DNAH8: variants seen among roughly 807,000 people sequenced by gnomAD.
DNAH8 encodes the protein dynein axonemal heavy chain 8, also known as axonemal beta dynein heavy chain 8.
DNAH8 carries 382 observed loss-of-function variants against 562.1 expected under a neutral mutation model. The ratio of observed to expected loss-of-function variants is 0.68; its 90% CI spans 0.63 to 0.74. The LOEUF is 0.74. DNAH8 is among the 30% of genes least tolerant of loss of function. The probability of loss-of-function intolerance (pLI) is 0.00; values close to 1 mark genes in which losing one functional copy is unlikely to be tolerated. For synonymous variants in DNAH8, 1,881 were observed against 1,919.4 expected, an observed-to-expected ratio of 0.98 and a Z score of 0.52; for missense variants, 5,203 against 5,620.4, an observed-to-expected ratio of 0.93 and a Z score of 2.37.
intron 88 of DNAH8, among the ~76,000 whole-genome samples, chr6:38,997,744 C>G (rs181885283): frequency 1.4e-4 from 21 of 152,154 alleles, no homozygotes; most frequent in Admixed American, 2.6e-4. Flanking sequence ...ATTCTTGCTT[C>G]TTTTTGTTTG....
At chr6:38,869,549 A>G (rs574660133) in intron 48 of DNAH8, among the ~76,000 whole-genome samples, 2 of 152,314 alleles carry the variant, frequency 1.3e-5, no homozygotes, top group South Asian at 2.1e-4. Context: ...AGGGCAATCT[A>G]TGCATTAAAG....
chr6:38,873,673 T>G (rs1176103913), intron 52 of DNAH8, among the ~76,000 whole-genome samples: 1 of 150,820 alleles, frequency 6.6e-6, no homozygotes, highest in Non-Finnish European at 1.5e-5. Flanking sequence ...TGACAGTCAA[T>G]AAAATATAGT....
At chr6:38,729,158 G>C (rs945395267) in intron 3 of DNAH8, among the ~76,000 whole-genome samples, 7 of 152,056 alleles carry the variant, frequency 4.6e-5, no homozygotes, top group African/African-American at 1.7e-4. Flanking sequence ...AGCCGAGATC[G>C]CGCTACTGCA....
chr6:38,872,406 C>T (rs1777537883), intron 49 of DNAH8, 130 bp from the exon 50 acceptor site: 1 of 1,011,690 alleles, frequency 9.9e-7, no homozygotes, highest in African/African-American at 1.6e-5. Flanking sequence ...ACATTTTTTA[C>T]AACTTAAAAA....
chr6:39,007,191 A>G (rs1340005405), intron 88 of DNAH8, among the ~76,000 whole-genome samples: 1 of 152,206 alleles, frequency 6.6e-6, no homozygotes, highest in Non-Finnish European at 1.5e-5. Context: ...CATTTGCACC[A>G]TACCGTCAGA....
chr6:38,819,845 A>G (rs947339631), intron 26 of DNAH8, among the ~76,000 whole-genome samples: 2 of 152,202 alleles, frequency 1.3e-5, no homozygotes, highest in Admixed American at 6.5e-5. Flanking sequence ...CAATTAATGT[A>G]TAATAGAAAC....
At chr6:38,923,398 A>T (rs1169449357) in intron 72 of DNAH8, 1 of 469,030 alleles carries the variant, frequency 2.1e-6, no homozygotes, top group Non-Finnish European at 3.6e-6. Context: ...GGTTTTCAGT[A>T]TGAGAGTGCT....
intron 49 of DNAH8, among the ~76,000 whole-genome samples, chr6:38,871,140 C>G (rs1371943249): frequency 1.3e-5 from 2 of 152,178 alleles, no homozygotes; most frequent in African/African-American, 2.4e-5. Flanking sequence ...GAGCTTGATG[C>G]TTTGGGAATA....
chr6:38,911,647 A>C, intron 66 of DNAH8, 61 bp downstream of exon 66: 377 of 1,131,500 alleles, frequency 3.3e-4, no homozygotes, highest in Non-Finnish European at 4.4e-4. Context: ...TAGGGATCTC[A>C]ATATTTTGTT....
chr6:38,924,625 G>A (rs1296426390), intron 73 of DNAH8, among the ~76,000 whole-genome samples: 1 of 152,040 alleles, frequency 6.6e-6, no homozygotes, highest in African/African-American at 2.4e-5. Flanking sequence ...GTTTCTTTGC[G>A]TTTTAAGTAA....
intron 55 of DNAH8, 30 bp downstream of exon 55, chr6:38,883,486 A>G: frequency 6.3e-7 from 1 of 1,585,342 alleles, no homozygotes; most frequent in Non-Finnish European, 8.6e-7. Flanking sequence ...GTAATATTAT[A>G]AACATAATAC....
chr6:38,764,887 T>C lies in DNAH8; in HGVS notation c.1617+3084T>C, dbSNP rs182598752. Among the ~76,000 whole-genome samples the C allele has an allele frequency of 6.2e-3, 936 of 152,140 alleles. 7 individuals are homozygous for C. The highest frequency in any genetic ancestry group is 0.021 in the African/African-American group (854 of 41,530). ...TCTCGCTCTGTTGCCCAGGCTGGAG[T>C]GCAGTGGCACAGTCTTGGCTCACTG... On this transcript the variant is annotated intron_variant, in intron 11 of 92. Transcript: ENST00000327475.
chr6:38,924,688 G>A (rs973036991), intron 73 of DNAH8, among the ~76,000 whole-genome samples: 2 of 152,132 alleles, frequency 1.3e-5, no homozygotes, highest in African/African-American at 4.8e-5. Context: ...AAGATCATTT[G>A]AGAGATATCA....
At position 38,918,031 on chromosome 6, in the gene DNAH8, A is replaced by G; in HGVS notation, c.10415A>G (p.Tyr3472Cys). Residue 3472 changes from tyrosine to cysteine, a missense_variant, in exon 70 of 93, where the codon TAT becomes TGT. By Grantham distance (194) the Tyr-to-Cys change is radical. This residue lies in a region of DNAH8 where 1,399 missense variants were observed against 1,518.4 expected (regional missense o/e 0.92). Transcript: ENST00000327475. Reference protein sequence around the residue: ...LLQPYFNMDDYTFESAKKVCG... With the variant: ...LLQPYFNMDDCTFESAKKVCG... The stretch of plus-strand genomic sequence containing the variant: ...CAGCCATATTTTAATATGGATGATT[A>G]TACTTTTGAAAGTGCCAAAAAAGTC... 1 of 1,613,856 alleles carries G rather than the reference A, an allele frequency of 6.2e-7. No individual in the cohort carries two copies. The highest frequency in any genetic ancestry group is 1.7e-4 in the Middle Eastern group (1 of 6,060).
intron 8 of DNAH8, among the ~76,000 whole-genome samples, chr6:38,749,324 A>C (rs1020750969): frequency 1.3e-5 from 2 of 152,126 alleles, no homozygotes; most frequent in South Asian, 2.1e-4. Context: ...TTGAACAATG[A>C]GAACACATGG....
At position 38,924,027 on chromosome 6, in the gene DNAH8, T is replaced by G. The variant is rs1046509311; in HGVS notation, c.10827T>G (p.Leu3609=). The stretch of plus-strand genomic sequence containing the variant: ...ATATTCTGCTGTGCACGGGATTCCT[T>G]TCCTACCTTGGTCCTTTCAATCAGA... ...VGDILLCTGF[L]SYLGPFNQIF... The change falls in exon 73 of 93, where the codon CTT becomes CTG. Residue 3609 remains leucine, a synonymous_variant. Coordinates refer to ENST00000327475, the MANE Select transcript of DNAH8 (RefSeq NM_001206927.2). 3 of 1,613,924 alleles carry G rather than the reference T, an allele frequency of 1.9e-6. No individual in the cohort carries two copies. The African/African-American group carries it at 4.0e-5, about 22-fold the overall frequency.
intron 13 of DNAH8, among the ~76,000 whole-genome samples, chr6:38,777,859 C>T (rs567049434): frequency 6.6e-6 from 1 of 152,174 alleles, no homozygotes; most frequent in African/African-American, 2.4e-5. Flanking sequence ...CGTCACTACA[C>T]TACTCTACCT....
chr6:38,997,344 T>A (rs528527168), intron 88 of DNAH8, among the ~76,000 whole-genome samples: 1 of 152,238 alleles, frequency 6.6e-6, no homozygotes, highest in South Asian at 2.1e-4. Context: ...AGATGAAGCA[T>A]CCCAGCTGAA....
chr6:38,900,560 T>C (rs2054409655), intron 62 of DNAH8, among the ~76,000 whole-genome samples: 1 of 152,228 alleles, frequency 6.6e-6, no homozygotes, highest in African/African-American at 2.4e-5. Context: ...CAACATGTCA[T>C]GAGAGTTGCT....
Sources: allele counts gnomAD v4.1 joint callset (sites outside exome capture counted in the v4.1 genomes callset), GRCh38; gene constraint gnomAD v4.1.1; regional missense constraint gnomAD v4.1.1; transcripts MANE v1.5; gene names NCBI Gene and HGNC (gene_info 2026-07-23, HGNC 2026-07-21).